The following SAMSN1 variants were observed in gnomAD, a reference collection of about 807,000 sequenced individuals.
The protein encoded by SAMSN1 is SAM domain, SH3 domain and nuclear localization signals 1.
SAMSN1 carries 31 observed loss-of-function variants against 42.0 expected under a neutral mutation model. That is an observed-to-expected ratio of 0.74 (90% CI 0.55 to 1.00). SAMSN1 has a LOEUF of 1.00. Ranked by LOEUF, SAMSN1 falls within the 50% of genes least tolerant of loss-of-function variation. The pLI is 0.00. For missense variants in SAMSN1, 464 were observed against 439.4 expected, an observed-to-expected ratio of 1.06 and a Z score of -0.50; for synonymous variants, 178 against 151.9, an observed-to-expected ratio of 1.17 and a Z score of -1.26.
chr21:14,582,314 G>A (rs1940431585), exon 2 of SAMSN1: 1 of 1,550,604 alleles, frequency 6.4e-7, no homozygotes, highest in Non-Finnish European at 8.7e-7. Flanking sequence ...TTCATACCAA[G>A]CTAATTTATC....
chr21:14,515,961 T>C (rs1033617138), intron 3 of SAMSN1, among the ~76,000 whole-genome samples: 2 of 152,140 alleles, frequency 1.3e-5, no homozygotes, highest in African/African-American at 4.8e-5. Flanking sequence ...ACAATGAGAT[T>C]CCACCTCACA....
At chr21:14,621,200 G>C (rs1264759065) in intron 2 of SAMSN1, among the ~76,000 whole-genome samples, 1 of 152,180 alleles carries the variant, frequency 6.6e-6, no homozygotes, top group Admixed American at 6.5e-5. Context: ...GGCCGAATAG[G>C]AACAGCTCCA....
intron 2 of SAMSN1, among the ~76,000 whole-genome samples, chr21:14,569,127 T>A (rs1029220612): frequency 1.2e-5 from 1 of 83,274 alleles, no homozygotes; most frequent in Non-Finnish European, 2.0e-5. Flanking sequence ...CTCATTTCTA[T>A]TTAAAAAAAA....
At chr21:14,619,148 A>G (rs1397348511) in intron 2 of SAMSN1, among the ~76,000 whole-genome samples, 1 of 152,234 alleles carries the variant, frequency 6.6e-6, no homozygotes. Context: ...GTAGATATCA[A>G]ATATATTTCT....
intron 3 of SAMSN1, among the ~76,000 whole-genome samples, chr21:14,513,005 G>C (rs1453850634): frequency 1.3e-5 from 2 of 152,112 alleles, no homozygotes; most frequent in Non-Finnish European, 2.9e-5. Context: ...TTTCATGTCA[G>C]TTATTTGCAT....
At chr21:14,504,247 C>G (rs1009368566) in intron 5 of SAMSN1, among the ~76,000 whole-genome samples, 1 of 152,046 alleles carries the variant, frequency 6.6e-6, no homozygotes, top group Non-Finnish European at 1.5e-5. Context: ...GAATCCAAAC[C>G]AAGAAGAAAT....
chr21:14,621,525 G>A lies in SAMSN1; in HGVS notation c.157-5509C>T, dbSNP rs534603677. Among the ~76,000 whole-genome samples the A allele has an allele frequency of 1.1e-4, 17 of 152,304 alleles. No individual in the cohort carries two copies. The South Asian group carries it at 2.7e-3, about 24-fold the overall frequency. On this transcript the variant is annotated intron_variant, in intron 2 of 15. Transcript: ENST00000647101. ...CCACACCTGGCTCAGAGGATCCCAT[G>A]CCCATGGAGCCTCACTCATTGCTAG...
Position 14,490,984 on chromosome 21 carries a change from A to G in SAMSN1, c.920-4870T>C, listed in dbSNP as rs1049036936. 3.9e-5 allele frequency among the ~76,000 whole-genome samples: 6 copies of G among 152,252 alleles called. No homozygotes were observed. The South Asian group carries it at 1.2e-3, about 32-fold the overall frequency. On this transcript the variant is annotated intron_variant, in intron 7 of 7. Transcript: ENST00000400566. ...GCTACTCTCCCCAACCATACACCAT[A>G]TGGAGGGCTTTGGTCCCAGGAAATA...
intron 7 of SAMSN1, among the ~76,000 whole-genome samples, chr21:14,494,297 A>C (rs382609): frequency 1 from 152,298 of 152,298 alleles, 76,149 homozygotes; most frequent in Non-Finnish European, 1. Flanking sequence ...ATAGCAAAGA[A>C]TTGCAACCAA....
intron 1 of SAMSN1, among the ~76,000 whole-genome samples, chr21:14,538,997 A>C (rs1979821853): frequency 6.6e-6 from 1 of 152,226 alleles, no homozygotes; most frequent in African/African-American, 2.4e-5. Context: ...AGTAAAGGCC[A>C]AGATGTTCTA....
chr21:14,597,820 C>T (rs1432682699), intron 6 of SAMSN1: 1 of 152,196 alleles, frequency 6.6e-6, no homozygotes, highest in African/African-American at 2.4e-5. Flanking sequence ...GGCTGGAAGA[C>T]AGCTGCTGAC....
At chr21:14,498,376 T>A in intron 7 of SAMSN1, 66 bp downstream of exon 7, 1 of 1,363,714 alleles carries the variant, frequency 7.3e-7, no homozygotes, top group Non-Finnish European at 1.0e-6. Flanking sequence ...GCTTTGTTTC[T>A]AATGATTATA....
intron 5 of SAMSN1, among the ~76,000 whole-genome samples, chr21:14,608,701 G>C (rs1451883344): frequency 6.6e-6 from 1 of 152,160 alleles, no homozygotes; most frequent in Non-Finnish European, 1.5e-5. Flanking sequence ...GGACACAGGA[G>C]AGTGAAAGGA....
At chr21:14,497,054 G>A (rs1986939679) in intron 7 of SAMSN1, among the ~76,000 whole-genome samples, 1 of 152,106 alleles carries the variant, frequency 6.6e-6, no homozygotes, top group South Asian at 2.1e-4. Flanking sequence ...CATCTGGGCT[G>A]TTACTTGTAG....
intron 2 of SAMSN1, among the ~76,000 whole-genome samples, chr21:14,634,085 G>A (rs920723339): frequency 1.3e-5 from 2 of 151,622 alleles, no homozygotes; most frequent in Admixed American, 6.6e-5. Flanking sequence ...TTTACAAACG[G>A]TGCTGGGAAA....
intron 5 of SAMSN1, among the ~76,000 whole-genome samples, chr21:14,505,259 A>T (rs8131835): frequency 0.068 from 10,286 of 152,244 alleles, 1,133 homozygotes; most frequent in African/African-American, 0.23. Flanking sequence ...TCTCAATACT[A>T]ACACTGAATT....
intron 2 of SAMSN1, among the ~76,000 whole-genome samples, chr21:14,569,255 A>T (rs1304244778): frequency 6.6e-6 from 1 of 152,190 alleles, no homozygotes; most frequent in Non-Finnish European, 1.5e-5. Context: ...TGACCGCACT[A>T]CTGCAGTGCA....
chr21:14,489,623 G>A (rs1466305954), intron 7 of SAMSN1, among the ~76,000 whole-genome samples: 1 of 152,052 alleles, frequency 6.6e-6, no homozygotes, highest in African/African-American at 2.4e-5. Context: ...CCAGCTGACA[G>A]CAGGCATACT....
At chr21:14,530,550 A>G (rs1443930555) in intron 1 of SAMSN1, among the ~76,000 whole-genome samples, 1 of 152,094 alleles carries the variant, frequency 6.6e-6, no homozygotes, top group Non-Finnish European at 1.5e-5. Flanking sequence ...AATATTTTTT[A>G]TTTGTTATAG....
Sources: allele counts gnomAD v4.1 joint callset (sites outside exome capture counted in the v4.1 genomes callset), GRCh38; gene constraint gnomAD v4.1.1; transcripts MANE v1.5; gene names NCBI Gene and HGNC (gene_info 2026-07-23, HGNC 2026-07-21).